Variants in ZP2 observed in about 807,000 individuals in gnomAD.
ZP2 encodes zona pellucida sperm-binding protein 2.
A neutral mutation model predicts 84.0 loss-of-function variants in ZP2; 51 were observed. The observed-to-expected ratio is 0.61, with a 90% confidence interval of 0.49 to 0.77. The LOEUF (loss-of-function observed/expected upper bound fraction) is 0.77. ZP2 is among the 30% of genes least tolerant of loss of function. The probability of loss-of-function intolerance (pLI) is 0.00; values close to 1 mark genes in which losing one functional copy is unlikely to be tolerated. For missense variants in ZP2, 909 were observed against 911.9 expected (o/e 1.00, Z 0.04); for synonymous variants, 375 against 330.9 (o/e 1.13, Z -1.45).
intron 9 of ZP2, 127 bp downstream of exon 9, chr16:21,203,903 G>A (rs2093237346): frequency 1.0e-6 from 1 of 956,604 alleles, no homozygotes; most frequent in Non-Finnish European, 1.6e-6. Context: ...GAGGCCTTTT[G>A]GAGTTTGAAT....
At chr16:21,211,630 C>A, upstream of ZP2, 1 of 1,608,996 alleles carries the variant, frequency 6.2e-7, no homozygotes, top group South Asian at 1.1e-5. Flanking sequence ...CATCCACACC[C>A]TCTCCCCATT....
chr16:21,199,738 C>G lies in ZP2; in HGVS notation c.1830+5G>C. ...CCTGTCCCTGGTGACTTCTGAATCA[C>G]TTACCAGGCTAGAGAGCACGTGGGC... is the stretch of plus-strand genomic sequence containing the variant. On this transcript the variant is annotated splice_donor_5th_base_variant and intron_variant, in intron 15 of 18. Transcript: ENST00000574091. 6.2e-7 allele frequency: 1 copy of G among 1,613,622 alleles called. No homozygotes were observed. Among genetic ancestry groups the G allele is most frequent in the Non-Finnish European group, 8.5e-7 (1 of 1,179,674 alleles).
At chr16:21,200,691 G>T (rs2093221016) in intron 14 of ZP2, among the ~76,000 whole-genome samples, 2 of 152,192 alleles carry the variant, frequency 1.3e-5, no homozygotes, top group Admixed American at 1.3e-4. Context: ...ATTGTTTTGG[G>T]CTGGTTATTT....
At chr16:21,200,996 C>T (rs1456933990) in intron 14 of ZP2, among the ~76,000 whole-genome samples, 3 of 151,952 alleles carry the variant, frequency 2.0e-5, no homozygotes, top group East Asian at 1.9e-4. Context: ...GTCAGGAGTT[C>T]GAGACCAGCC....
upstream of ZP2, among the ~76,000 whole-genome samples, chr16:21,212,662 A>G (rs1382100766): frequency 6.6e-6 from 1 of 152,250 alleles, no homozygotes; most frequent in Non-Finnish European, 1.5e-5. Flanking sequence ...CATTATAAGC[A>G]GTAACATGAT....
At chr16:21,205,828 G>A (rs552589820) in intron 5 of ZP2, 53 bp from the exon 6 acceptor site, 64 of 1,584,226 alleles carry the variant, frequency 4.0e-5, no homozygotes, top group Admixed American at 6.7e-5. Flanking sequence ...AGATGTTTCC[G>A]AATTCATGCC....
Position 21,206,906 on chromosome 16 carries a change from G to T in ZP2, c.415C>A (p.Pro139Thr). Residue 139 changes from proline (P) to threonine (T), a missense_variant, in exon 5 of 19, where the codon CCA becomes ACA. By Grantham distance (38) the Pro-to-Thr change is conservative. Transcript: ENST00000574091. ...HGAVMYQFFC[P>T]AMQVEETQGL... is the part of the protein sequence containing the mutation. Reference sequence around the variant, plus strand: ...TGGGTCTCTTCTACTTGCATAGCTGGACAGAAGAACTGATACATGACAGCT... The same window carrying T: ...TGGGTCTCTTCTACTTGCATAGCTGTACAGAAGAACTGATACATGACAGCT... The T allele has an allele frequency of 3.1e-6, 5 of 1,614,120 alleles. No individual in the cohort carries two copies. Among genetic ancestry groups the T allele is most frequent in the Non-Finnish European group, 3.4e-6 (4 of 1,179,996 alleles).
At chr16:21,203,860 A>T in intron 9 of ZP2, 170 bp downstream of exon 9, 1 of 666,724 alleles carries the variant, frequency 1.5e-6, no homozygotes, top group Non-Finnish European at 2.6e-6. Context: ...AACTTTAGTT[A>T]CTTGATATTT....
chr16:21,208,944 G>C (rs962248058), intron 4 of ZP2, among the ~76,000 whole-genome samples: 1 of 152,164 alleles, frequency 6.6e-6, no homozygotes, highest in South Asian at 2.1e-4. Flanking sequence ...ATTAGTGGTA[G>C]AGCCAGGGCT....
In ZP2 at chr16:21,197,766, C is replaced by T. The variant is rs1000321457; in HGVS notation, c.2095G>A (p.Gly699Ser). Residue 699 changes from glycine (G) to serine (S), a missense_variant and splice_region_variant, in exon 18 of 19, where the codon GGT (glycine) becomes AGT (serine). Physicochemically the swap from Gly to Ser is moderately conservative, Grantham distance 56. Coordinates refer to ENST00000574091, the MANE Select transcript of ZP2 (RefSeq NM_001376232.1). Reference sequence around the variant, plus strand: ...AGTTTGCAACATTGAATAAACTTACCTCGTGAGCCAACCTCCTCCCCTGTT... The same window carrying T: ...AGTTTGCAACATTGAATAAACTTACTTCGTGAGCCAACCTCCTCCCCTGTT... The part of the protein sequence containing the change: ...SETGEEVGSR[G>S]AMDTKGHKTA... 6.2e-7 allele frequency: 1 copy of T among 1,614,142 alleles called. No homozygotes were observed. The highest frequency in any genetic ancestry group is 8.5e-7 in the Non-Finnish European group (1 of 1,180,020).
chr16:21,210,439 G>C (rs1411202427), intron 2 of ZP2, among the ~76,000 whole-genome samples: 1 of 152,134 alleles, frequency 6.6e-6, no homozygotes, highest in African/African-American at 2.4e-5. Flanking sequence ...GGGTTGACAA[G>C]CAGGTCTGTA....
intron 9 of ZP2, among the ~76,000 whole-genome samples, chr16:21,203,601 T>C (rs1163638130): frequency 1.3e-5 from 2 of 152,210 alleles, no homozygotes; most frequent in African/African-American, 2.4e-5. Flanking sequence ...TTGCATAATA[T>C]GTACCCCCAA....
chr16:21,211,896 T>G, upstream of ZP2: 3 of 830,558 alleles, frequency 3.6e-6, no homozygotes, highest in Non-Finnish European at 4.9e-6. Flanking sequence ...TGGGCTTTAT[T>G]GAGAAAAAAA....
chr16:21,210,805 G>A (rs1432365933), intron 2 of ZP2, among the ~76,000 whole-genome samples: 1 of 151,858 alleles, frequency 6.6e-6, no homozygotes, highest in Non-Finnish European at 1.5e-5. Flanking sequence ...AAACTCCTGA[G>A]CTCAGGTGAT....
At position 21,199,893 on chromosome 16, in the gene ZP2, C is replaced by T; in HGVS notation, c.1695-15G>A. ...CATATGCACAGCTAGGAGGTATGCA[C>T]CAGGGAGGGATGTCAGTCATATGCA... On this transcript the variant is annotated splice_polypyrimidine_tract_variant and intron_variant, in intron 14 of 18. Coordinates refer to ENST00000574091, the MANE Select transcript of ZP2 (RefSeq NM_001376232.1). The T allele has an allele frequency of 6.2e-7, 1 of 1,611,982 alleles. No homozygotes were observed. Among genetic ancestry groups the T allele is most frequent in the Admixed American group, 1.7e-5 (1 of 59,990 alleles).
intron 10 of ZP2, 76 bp from the exon 11 acceptor site, chr16:21,202,367 AC>A: frequency 7.7e-7 from 1 of 1,305,114 alleles, no homozygotes; most frequent in Non-Finnish European, 1.0e-6. Flanking sequence ...CTGATATGCT[AC>A]GAGGGAGAAA....
chr16:21,203,895 G>A, intron 9 of ZP2, 135 bp downstream of exon 9: 1 of 848,214 alleles, frequency 1.2e-6, no homozygotes, highest in Non-Finnish European at 1.9e-6. Flanking sequence ...GATCAAATGA[G>A]GCCTTTTGGA....
At chr16:21,208,911 T>A (rs2093261823) in intron 4 of ZP2, among the ~76,000 whole-genome samples, 1 of 152,148 alleles carries the variant, frequency 6.6e-6, no homozygotes, top group Non-Finnish European at 1.5e-5. Context: ...TTGAAAGGGC[T>A]CACTTGGTGG....
chr16:21,209,863 TG>T, intron 3 of ZP2, 138 bp from the exon 4 acceptor site: 2 of 788,304 alleles, frequency 2.5e-6, no homozygotes. Flanking sequence ...TGATAGAACT[TG>T]AGCTTTGAGA....
Sources: allele counts gnomAD v4.1 joint callset (sites outside exome capture counted in the v4.1 genomes callset), GRCh38; gene constraint gnomAD v4.1.1; transcripts MANE v1.5; gene names NCBI Gene and HGNC (gene_info 2026-07-23, HGNC 2026-07-21).